Variants in SENP7 observed in about 807,000 individuals in gnomAD.
The protein encoded by SENP7 is SUMO specific peptidase 7, also known as sentrin-specific protease 7.
SENP7 carries 64 observed loss-of-function variants against 141.2 expected under a neutral mutation model. The ratio of observed to expected loss-of-function variants is 0.45; its 90% CI spans 0.37 to 0.56. The LOEUF (loss-of-function observed/expected upper bound fraction) is 0.56. Ranked by LOEUF, SENP7 falls within the 20% of genes least tolerant of loss-of-function variation. The pLI is 0.00. For synonymous variants in SENP7, 382 were observed against 426.4 expected, an observed-to-expected ratio of 0.90 and a Z score of 1.28; for missense variants, 1,025 against 1,212.2, an observed-to-expected ratio of 0.85 and a Z score of 2.29.
chr3:101,457,320 G>T, intron 4 of SENP7: 1 of 1,419,694 alleles, frequency 7.0e-7, no homozygotes, highest in Non-Finnish European at 9.9e-7. Context: ...CTCCCCAGTA[G>T]CAAGTGGTGC....
At chr3:101,339,987 G>A in intron 16 of SENP7, 108 bp downstream of exon 16, 2 of 1,359,586 alleles carry the variant, frequency 1.5e-6, no homozygotes, top group Non-Finnish European at 1.9e-6. Context: ...TGAAATCTTG[G>A]CAGGCTACTT....
intron 3 of SENP7, among the ~76,000 whole-genome samples, chr3:101,485,867 C>G (rs567427327): frequency 2.6e-5 from 4 of 151,748 alleles, no homozygotes; most frequent in Non-Finnish European, 5.9e-5. Context: ...AAAAATGATA[C>G]AAGAAGTGAA....
chr3:101,364,080 T>A (rs1200726424), intron 10 of SENP7, among the ~76,000 whole-genome samples: 1 of 151,960 alleles, frequency 6.6e-6, no homozygotes, highest in Non-Finnish European at 1.5e-5. Flanking sequence ...TTAAAAACAT[T>A]AGCCAGGCTT....
chr3:101,468,701 G>C (rs545686768), intron 3 of SENP7, among the ~76,000 whole-genome samples: 1 of 152,168 alleles, frequency 6.6e-6, no homozygotes, highest in East Asian at 1.9e-4. Context: ...AAGAGCTCCT[G>C]AAGGAAGCAC....
At chr3:101,348,154 AAG>A (rs1288545448) in intron 12 of SENP7, 103 bp from the exon 13 acceptor site, 2 of 730,168 alleles carry the variant, frequency 2.7e-6, no homozygotes, top group East Asian at 3.1e-5. Context: ...TTTTAAAAAA[AAG>A]AGAATTATAT....
chr3:101,509,903 T>A (rs900789880), intron 1 of SENP7, among the ~76,000 whole-genome samples: 2 of 152,222 alleles, frequency 1.3e-5, no homozygotes, highest in Non-Finnish European at 2.9e-5. Context: ...AATTACCTTA[T>A]AAGGCTTTTG....
intron 6 of SENP7, among the ~76,000 whole-genome samples, chr3:101,392,564 A>C (rs2060845778): frequency 6.6e-6 from 1 of 152,236 alleles, no homozygotes; most frequent in Non-Finnish European, 1.5e-5. Flanking sequence ...ATGGAAAGAT[A>C]TCCCAAGCTC....
intron 5 of SENP7, 92 bp downstream of exon 5, chr3:101,417,501 C>A: frequency 9.5e-7 from 1 of 1,053,160 alleles, no homozygotes; most frequent in Non-Finnish European, 1.5e-6. Context: ...AATCTCCTTT[C>A]AGGTCATTTC....
chr3:101,366,721 T>G lies in SENP7; in HGVS notation c.1027A>C (p.Ser343Arg), dbSNP rs2060047139. 1.2e-6 allele frequency: 2 copies of G among 1,611,326 alleles called. No individual in the cohort carries two copies. The highest frequency in any genetic ancestry group is 4.5e-5 in the East Asian group (2 of 44,806). ...TTTGGATCCTGATGATAGTTTTCAC[T>G]TGGCTTTTCAAACTCAGTGGATATT... ...STISTEFEKP[S>R]ENYHQDPKLP... is the part of the protein sequence containing the mutation. The change falls in exon 9 of 24, where the codon AGT (serine) becomes CGT (arginine). Residue 343 changes from serine to arginine, a missense_variant. Coordinates refer to ENST00000394095, the MANE Select transcript of SENP7 (RefSeq NM_020654.5).
chr3:101,467,094 CTG>C (rs1236655176), intron 3 of SENP7, among the ~76,000 whole-genome samples: 3 of 152,224 alleles, frequency 2.0e-5, no homozygotes, highest in Non-Finnish European at 2.9e-5. Context: ...GCACAGCACT[CTG>C]AGATCAAACT....
intron 3 of SENP7, among the ~76,000 whole-genome samples, chr3:101,486,561 A>C (rs930946949): frequency 6.6e-6 from 1 of 152,220 alleles, no homozygotes; most frequent in Non-Finnish European, 1.5e-5. Flanking sequence ...AACGCTGAGA[A>C]AATTTGCCAC....
At position 101,351,481 on chromosome 3, in the gene SENP7, G is replaced by C. The variant is rs889521569; in HGVS notation, c.1657+137C>G. 5 of 599,904 alleles carry C rather than the reference G, an allele frequency of 8.3e-6. No homozygotes were observed. In the African/African-American group the frequency reaches 9.8e-5, roughly 12 times the overall value. The allele number at this position is 599,904 out of a possible 1,614,324, so 37.2% of individuals were successfully genotyped here. On this transcript the variant is annotated intron_variant, in intron 12 of 23. Coordinates refer to ENST00000394095, the MANE Select transcript of SENP7 (RefSeq NM_020654.5). ...CAATAGCATACGATTTTCAGAACAA[G>C]TCCATTATAAAACATTTTTACTCCA...
intron 3 of SENP7, among the ~76,000 whole-genome samples, chr3:101,476,950 GT>G (rs1315554340): frequency 1.3e-5 from 2 of 152,038 alleles, no homozygotes; most frequent in African/African-American, 2.4e-5. Context: ...GGGGTTATTT[GT>G]TTTTTTCTTG....
intron 7 of SENP7, among the ~76,000 whole-genome samples, chr3:101,368,907 G>A (rs935207100): frequency 6.6e-6 from 1 of 152,044 alleles, no homozygotes; most frequent in Admixed American, 6.6e-5. Flanking sequence ...TCTTTAAAAG[G>A]AGACAAAATA....
chr3:101,415,675 C>A (rs1421022061), intron 5 of SENP7, among the ~76,000 whole-genome samples: 2 of 151,556 alleles, frequency 1.3e-5, no homozygotes, highest in African/African-American at 4.9e-5. Flanking sequence ...AAAAAGTAAG[C>A]AACTTGGGCT....
At chr3:101,478,881 T>C (rs2064332341) in intron 3 of SENP7, among the ~76,000 whole-genome samples, 1 of 152,142 alleles carries the variant, frequency 6.6e-6, no homozygotes, top group Non-Finnish European at 1.5e-5. Context: ...TATTCAGAGA[T>C]GCAAGAATGG....
rs956489369 is a variant in SENP7 at position 101,457,605 on chromosome 3, T to C, written c.284+1350A>G. On this transcript the variant is annotated intron_variant, in intron 4 of 23. Transcript: ENST00000394095. ...CTTCTTTAAGGAGAACTGAAGTTTT[T>C]TATCATCTGCTGTGGCTGTTCTATG... The C allele has an allele frequency of 2.5e-6, 4 of 1,575,184 alleles. No individual in the cohort carries two copies. In the African/African-American group the frequency reaches 4.0e-5, roughly 16 times the overall value.
chr3:101,373,776 A>G (rs1172591197), intron 6 of SENP7, among the ~76,000 whole-genome samples: 4 of 152,180 alleles, frequency 2.6e-5, no homozygotes, highest in South Asian at 2.1e-4. Flanking sequence ...CTCAATCCAA[A>G]TAACAGTTTT....
intron 5 of SENP7, among the ~76,000 whole-genome samples, chr3:101,405,777 C>G (rs111703326): frequency 6.6e-6 from 1 of 152,032 alleles, no homozygotes; most frequent in Non-Finnish European, 1.5e-5. Context: ...TATAGAAATG[C>G]AAAATGCTCT....
Sources: gnomAD v4.1 joint callset for allele counts (sites outside exome capture counted in the v4.1 genomes callset) on GRCh38, gnomAD v4.1.1 for gene constraint, MANE v1.5 for transcripts, NCBI Gene and HGNC (gene_info 2026-07-23, HGNC 2026-07-21) for gene names.